Variants in TMEM178B observed in about 807,000 individuals in gnomAD.
TMEM178B encodes transmembrane protein 178B.
In TMEM178B, 5 loss-of-function variants were observed where a neutral mutation model predicts 31.0. The observed-to-expected ratio is 0.16, with a 90% CI of 0.08 to 0.34. TMEM178B has a LOEUF of 0.34. Among genes scored for constraint, TMEM178B ranks in the 10% least tolerant of loss-of-function variants. The pLI, the probability that TMEM178B is intolerant of heterozygous loss-of-function variation, is 1.00. For synonymous variants in TMEM178B, 164 were observed against 164.0 expected (o/e 1.00, Z 0.00); for missense variants, 275 against 400.3 (o/e 0.69, Z 2.67).
intron 1 of TMEM178B, among the ~76,000 whole-genome samples, chr7:141,095,118 G>T (rs925977778): frequency 6.6e-6 from 1 of 152,190 alleles, no homozygotes; most frequent in South Asian, 2.1e-4. Flanking sequence ...TTTTTGAGAA[G>T]GTATGGATGT....
intron 1 of TMEM178B, among the ~76,000 whole-genome samples, chr7:141,089,805 A>T (rs2129172128): frequency 6.6e-6 from 1 of 152,258 alleles, no homozygotes; most frequent in Middle Eastern, 3.4e-3. Context: ...GTGGGAATTG[A>T]ACAGTGAGAA....
intron 1 of TMEM178B, among the ~76,000 whole-genome samples, chr7:141,149,701 C>T (rs1795928600): frequency 6.6e-6 from 1 of 152,162 alleles, no homozygotes; most frequent in Non-Finnish European, 1.5e-5. Context: ...CTTATGATGA[C>T]TGAGGCAGAG....
At chr7:141,499,464 C>CAAAAAAAAA in the TMEM178B span, among the ~76,000 whole-genome samples, 4 of 50,716 alleles carry the variant, frequency 7.9e-5, no homozygotes, top group Admixed American at 2.1e-4. Flanking sequence ...CACATCTCTA[C>CAAAAAAAAA]AAAAAAAAAA....
At chr7:141,417,278 G>T (rs930712004) in intron 2 of TMEM178B, among the ~76,000 whole-genome samples, 1 of 152,100 alleles carries the variant, frequency 6.6e-6, no homozygotes, top group African/African-American at 2.4e-5. Context: ...ACACAAAGAA[G>T]AAAAAAATGC....
intron 1 of TMEM178B, among the ~76,000 whole-genome samples, chr7:141,085,533 C>T (rs1463442819): frequency 2.3e-5 from 2 of 88,886 alleles, no homozygotes; most frequent in Admixed American, 1.6e-4. Flanking sequence ...ATTAGGTCAT[C>T]GTCATGCATT....
At chr7:141,397,178 A>C (rs577003243) in intron 2 of TMEM178B, among the ~76,000 whole-genome samples, 1 of 152,348 alleles carries the variant, frequency 6.6e-6, no homozygotes, top group Non-Finnish European at 1.5e-5. Context: ...TCTGCCCAAA[A>C]TCATAGTGAT....
chr7:141,101,841 G>C (rs1257782288), intron 1 of TMEM178B, among the ~76,000 whole-genome samples: 1 of 152,000 alleles, frequency 6.6e-6, no homozygotes, highest in Non-Finnish European at 1.5e-5. Flanking sequence ...GGAACATGGG[G>C]ATCTTCTAGG....
chr7:141,304,731 A>G (rs1430989277), intron 2 of TMEM178B, among the ~76,000 whole-genome samples: 1 of 151,830 alleles, frequency 6.6e-6, no homozygotes, highest in African/African-American at 2.4e-5. Flanking sequence ...TCACTCTAGC[A>G]CTTCACCCCA....
chr7:141,125,562 T>A (rs1436013400), intron 1 of TMEM178B, among the ~76,000 whole-genome samples: 3 of 151,134 alleles, frequency 2.0e-5, no homozygotes, highest in South Asian at 2.1e-4. Flanking sequence ...ACGCCTGTAA[T>A]CCCAGCTACT....
At chr7:141,448,540 A>G (rs1217791045) in intron 3 of TMEM178B, among the ~76,000 whole-genome samples, 1 of 152,170 alleles carries the variant, frequency 6.6e-6, no homozygotes, top group African/African-American at 2.4e-5. Flanking sequence ...CAAATCATTT[A>G]CTTGCACAGG....
intron 2 of TMEM178B, among the ~76,000 whole-genome samples, chr7:141,319,718 A>C (rs930397888): frequency 6.6e-6 from 1 of 152,132 alleles, no homozygotes; most frequent in Admixed American, 6.5e-5. Context: ...TGGTGTTTTT[A>C]GTAGAGACGG....
intron 1 of TMEM178B, among the ~76,000 whole-genome samples, chr7:141,089,472 A>C (rs1036666024): frequency 3.3e-5 from 5 of 152,174 alleles, no homozygotes; most frequent in Admixed American, 6.5e-5. Context: ...TGGATCTAGA[A>C]CTAGAAATAC....
chr7:141,235,022 A>G (rs1195928606), intron 2 of TMEM178B, among the ~76,000 whole-genome samples: 2 of 152,194 alleles, frequency 1.3e-5, no homozygotes, highest in African/African-American at 4.8e-5. Context: ...AAATCCTAGG[A>G]TCAATTTTCA....
At chr7:141,446,276 G>A (rs1801753007) in intron 3 of TMEM178B, among the ~76,000 whole-genome samples, 1 of 152,188 alleles carries the variant, frequency 6.6e-6, no homozygotes, top group African/African-American at 2.4e-5. Flanking sequence ...GGGTTCAGAA[G>A]AGAACAGGGA....
At chr7:141,227,265 T>C (rs1797360413) in intron 2 of TMEM178B, among the ~76,000 whole-genome samples, 1 of 152,234 alleles carries the variant, frequency 6.6e-6, no homozygotes, top group African/African-American at 2.4e-5. Flanking sequence ...TAGTGGCATC[T>C]GAAAGGAACC....
At chr7:141,337,795 G>A (rs1427713200) in intron 2 of TMEM178B, among the ~76,000 whole-genome samples, 1 of 152,200 alleles carries the variant, frequency 6.6e-6, no homozygotes, top group Non-Finnish European at 1.5e-5. Context: ...ACAAAAAAAG[G>A]TGGAAAATAT....
chr7:141,458,034 G>A (rs1197022851), intron 3 of TMEM178B, among the ~76,000 whole-genome samples: 1 of 152,212 alleles, frequency 6.6e-6, no homozygotes, highest in African/African-American at 2.4e-5. Flanking sequence ...AGTCAAGTAG[G>A]AAGAAGGACA....
intron 2 of TMEM178B, among the ~76,000 whole-genome samples, chr7:141,400,604 A>T (rs1800743278): frequency 6.6e-6 from 1 of 152,196 alleles, no homozygotes; most frequent in African/African-American, 2.4e-5. Context: ...TTTACATCAG[A>T]GTTAAGTCTT....
At chr7:141,080,489 G>A (rs1331115119) in intron 1 of TMEM178B, among the ~76,000 whole-genome samples, 3 of 152,170 alleles carry the variant, frequency 2.0e-5, no homozygotes, top group African/African-American at 7.2e-5. Context: ...GTGTGGTGGC[G>A]CATGCCTGTA....
Sources: allele counts gnomAD v4.1 joint callset (sites outside exome capture counted in the v4.1 genomes callset), GRCh38; gene constraint gnomAD v4.1.1; transcripts MANE v1.5; gene names NCBI Gene and HGNC (gene_info 2026-07-23, HGNC 2026-07-21).